Variants in NCOA6 observed in about 807,000 individuals in gnomAD.
The protein encoded by NCOA6 is nuclear receptor coactivator 6, also known as NRC RAP250.
In NCOA6, 49 loss-of-function variants were observed where a neutral mutation model predicts 171.4. That is an observed-to-expected ratio of 0.29 (90% confidence interval 0.23 to 0.36). The LOEUF (loss-of-function observed/expected upper bound fraction) is 0.36, where lower values mean the gene tolerates loss of function less well. Ranked by LOEUF, NCOA6 falls within the 10% of genes least tolerant of loss-of-function variation. The pLI is 1.00. For missense variants in NCOA6, 2,248 were observed against 2,554.5 expected (o/e 0.88, Z 2.59); for synonymous variants, 910 against 927.5 (o/e 0.98, Z 0.34).
chr20:34,815,372 A>AT (rs200167810), intron 1 of NCOA6, among the ~76,000 whole-genome samples: 7 of 150,140 alleles, frequency 4.7e-5, no homozygotes, highest in East Asian at 1.9e-4. Context: ...GCGAGACTCT[A>AT]TTTTTTTTTT....
At chr20:34,803,428 C>G (rs1411949592) in intron 1 of NCOA6, among the ~76,000 whole-genome samples, 1 of 149,618 alleles carries the variant, frequency 6.7e-6, no homozygotes, top group African/African-American at 2.5e-5. Flanking sequence ...TACGGCACCA[C>G]TGTACTCCAG....
At chr20:34,796,969 C>A (rs561786371) in intron 1 of NCOA6, among the ~76,000 whole-genome samples, 25 of 152,298 alleles carry the variant, frequency 1.6e-4, no homozygotes, top group Non-Finnish European at 2.9e-4. Context: ...CAAAAGTTAG[C>A]TATAAATAAA....
rs759134877 is a variant in NCOA6, at chr20:34,749,453, C to A, written c.2742G>T (p.Pro914=). The A allele has an allele frequency of 2.5e-6, 4 of 1,613,094 alleles. No individual in the cohort carries two copies. The highest frequency in any genetic ancestry group is 3.4e-6 in the Non-Finnish European group (4 of 1,179,442). ...NKQNNTNANK[P]KKKKPPRKKK... is the part of the protein sequence containing the mutation. ...TCTTCCGAGGGGGTTTCTTCTTCTT[C>A]GGTTTATTTGCGTTGGTATTATTTT... is the stretch of plus-strand genomic sequence containing the variant. The change falls in exon 9 of 15, where the codon CCG becomes CCT. Residue 914 remains proline (P), a synonymous_variant. Coordinates refer to ENST00000359003, the MANE Select transcript of NCOA6 (RefSeq NM_014071.5).
At chr20:34,778,891 G>A (rs1313150611) in intron 3 of NCOA6, among the ~76,000 whole-genome samples, 4 of 148,316 alleles carry the variant, frequency 2.7e-5, no homozygotes, top group Admixed American at 6.8e-5. Context: ...CCCGGGAGAC[G>A]GAGCTTGCAG....
rs1274900728 is a variant in NCOA6, at chr20:34,740,976, C to A, written c.5280G>T (p.Val1760=). ...CTGGATTCAATTCTTTCACTTGCTG[C>A]ACAGGGGGATGAGAAGGGACAACTG... ...SSPVVPSHPP[V]QQVKELNPDE... Residue 1760 remains valine, a synonymous_variant, in exon 11 of 15, where the codon GTG becomes GTT. Transcript: ENST00000359003. The A allele has an allele frequency of 6.2e-7, 1 of 1,614,042 alleles. No individual in the cohort carries two copies. The highest frequency in any genetic ancestry group is 1.7e-5 in the Admixed American group (1 of 59,998).
At chr20:34,754,276 G>C (rs1413671450) in intron 8 of NCOA6, among the ~76,000 whole-genome samples, 2 of 152,218 alleles carry the variant, frequency 1.3e-5, no homozygotes, top group Non-Finnish European at 2.9e-5. Context: ...ACCTGAGCAA[G>C]CTCTAACTCA....
chr20:34,727,213 A>C, intron 14 of NCOA6, 46 bp downstream of exon 14: 1 of 1,597,742 alleles, frequency 6.3e-7, no homozygotes, highest in Non-Finnish European at 8.5e-7. Context: ...TAAGAACTCT[A>C]TTCCTCTATT....
At chr20:34,785,406 G>A (rs2077642754) in intron 2 of NCOA6, among the ~76,000 whole-genome samples, 1 of 149,128 alleles carries the variant, frequency 6.7e-6, no homozygotes, top group Non-Finnish European at 1.5e-5. Flanking sequence ...ACCAGGCTAG[G>A]TAACAGCGAG....
At chr20:34,744,521 G>C (rs946918333) in intron 10 of NCOA6, among the ~76,000 whole-genome samples, 1 of 152,108 alleles carries the variant, frequency 6.6e-6, no homozygotes, top group African/African-American at 2.4e-5. Flanking sequence ...ACTGGCTCTG[G>C]CAGTCAAAAG....
Position 34,788,306 on chromosome 20 carries a change from C to T in NCOA6, c.-50+4144G>A, listed in dbSNP as rs148990598. 5.5e-3 allele frequency among the ~76,000 whole-genome samples: 830 copies of T among 152,166 alleles called. 39 individuals carry two copies. The highest frequency in any genetic ancestry group is 0.047 in the Admixed American group (714 of 15,278). ...CTTGAACTCCTGACCTCAGGTGATC[C>T]ACCCGCCTCGGCCTCCCAAAGTGTT... On this transcript the variant is annotated intron_variant, in intron 2 of 14. Transcript: ENST00000359003.
At chr20:34,782,081 A>C in intron 3 of NCOA6, 40 bp downstream of exon 3, 1 of 1,390,600 alleles carries the variant, frequency 7.2e-7, no homozygotes, top group Middle Eastern at 2.2e-4. Context: ...AAACATTTCA[A>C]AAACAGTAAC....
intron 10 of NCOA6, among the ~76,000 whole-genome samples, chr20:34,746,196 G>A (rs1016918989): frequency 6.6e-6 from 1 of 151,494 alleles, no homozygotes; most frequent in Non-Finnish European, 1.5e-5. Flanking sequence ...ATCCTGTTCT[G>A]ATGCCAACTA....
intron 1 of NCOA6, among the ~76,000 whole-genome samples, chr20:34,818,712 C>T (rs1209936471): frequency 6.6e-6 from 1 of 152,204 alleles, no homozygotes; most frequent in Non-Finnish European, 1.5e-5. Context: ...AGTATCCCAG[C>T]TCCATAACAC....
intron 5 of NCOA6, among the ~76,000 whole-genome samples, chr20:34,761,692 G>A (rs888751481): frequency 6.6e-6 from 1 of 151,998 alleles, no homozygotes; most frequent in Non-Finnish European, 1.5e-5. Context: ...GTCTCACTCT[G>A]TTGCCGAGGC....
chr20:34,791,777 A>G (rs1025645062), intron 2 of NCOA6, among the ~76,000 whole-genome samples: 1 of 152,078 alleles, frequency 6.6e-6, no homozygotes, highest in African/African-American at 2.4e-5. Context: ...ACATACCCAA[A>G]CCCCTGTCAT....
At position 34,736,013 on chromosome 20, in the gene NCOA6, C is replaced by T. The variant is rs141974554; in HGVS notation, c.5962+677G>A. 5.3e-5 allele frequency among the ~76,000 whole-genome samples: 8 copies of T among 151,974 alleles called. No individual in the cohort carries two copies. In the East Asian group the frequency reaches 7.7e-4, roughly 15 times the overall value. ...GCGAAACTAAACTGTACCATATCTG[C>T]GATATTTATCTGCCTCCATAGTCTA... On this transcript the variant is annotated intron_variant, in intron 12 of 14. Transcript: ENST00000359003.
chr20:34,783,411 C>T (rs2077568877), intron 2 of NCOA6, among the ~76,000 whole-genome samples: 2 of 152,266 alleles, frequency 1.3e-5, no homozygotes, highest in South Asian at 4.1e-4. Flanking sequence ...TTCAGGTATG[C>T]TGCTTACCAA....
chr20:34,751,652 G>A (rs935193785), intron 8 of NCOA6, among the ~76,000 whole-genome samples: 2 of 151,982 alleles, frequency 1.3e-5, no homozygotes, highest in Non-Finnish European at 2.9e-5. Context: ...TGCAAATAGA[G>A]GAATAATAAA....
chr20:34,814,130 A>G (rs2078757831), intron 1 of NCOA6, among the ~76,000 whole-genome samples: 1 of 152,170 alleles, frequency 6.6e-6, no homozygotes, highest in Non-Finnish European at 1.5e-5. Context: ...GGAGTTCGAG[A>G]CCAGCCTGGT....
Sources: allele counts gnomAD v4.1 joint callset (sites outside exome capture counted in the v4.1 genomes callset), GRCh38; gene constraint gnomAD v4.1.1; transcripts MANE v1.5; gene names NCBI Gene and HGNC (gene_info 2026-07-23, HGNC 2026-07-21).